The following UFL1 variants were observed in gnomAD, a reference collection of about 807,000 sequenced individuals.
The protein encoded by UFL1 is E3 UFM1-protein ligase 1.
In UFL1, 78 loss-of-function variants were observed where a neutral mutation model predicts 99.3. That is an observed-to-expected ratio of 0.79 (90% CI 0.65 to 0.95). UFL1 has a LOEUF of 0.95. UFL1 is among the 40% of genes least tolerant of loss of function. The probability of loss-of-function intolerance (pLI) is 0.00; values close to 1 mark genes in which losing one functional copy is unlikely to be tolerated. For missense variants in UFL1, 936 were observed against 937.0 expected (o/e 1.00, Z 0.01); for synonymous variants, 335 against 322.2 (o/e 1.04, Z -0.42).
chr6:96,549,427 T>C lies in UFL1; in HGVS notation c.1536T>C (p.Thr512=), dbSNP rs375706635. ...AEYLIKPLNK[T]YLEVVRSVFM... ...TTATGCACAGACCTCTTAATAAAAC[T>C]TATCTCGAGGTGGTACGTTCAGTAT... Residue 512 remains threonine, a synonymous_variant, in exon 14 of 19, where the codon ACT becomes ACC. Transcript: ENST00000369278. 5.0e-6 allele frequency: 8 copies of C among 1,595,906 alleles called. No homozygotes were observed. In the African/African-American group the frequency reaches 9.5e-5, roughly 19 times the overall value.
rs972633849 is a variant in UFL1, at chr6:96,543,026, T to C, written c.1402+10T>C. 6.3e-7 allele frequency: 1 copy of C among 1,583,070 alleles called. No homozygotes were observed. The highest frequency in any genetic ancestry group is 8.6e-7 in the Non-Finnish European group (1 of 1,165,584). On this transcript the variant is annotated intron_variant, in intron 12 of 18. Transcript: ENST00000369278. ...CAATCATCCCACACTGGTAGGTAGCTTTTCTTTACTTTTCCTTGGTGTATG... is the reference window on the plus strand; with the variant it reads ...CAATCATCCCACACTGGTAGGTAGCCTTTCTTTACTTTTCCTTGGTGTATG...
In UFL1 at chr6:96,526,396, G is replaced by A. The variant is rs1349655562; in HGVS notation, c.426G>A (p.Leu142=). 2 of 1,612,904 alleles carry A rather than the reference G, an allele frequency of 1.2e-6. No individual in the cohort carries two copies. The highest frequency in any genetic ancestry group is 2.2e-5 in the East Asian group (1 of 44,736). ...GTGGTCAGGTCACCATATCAGAACT[G>A]TGTAAAACTTATGATCTTCCTGGGA... ...QESGQVTISE[L]CKTYDLPGNF... The change falls in exon 5 of 19, where the codon CTG becomes CTA. Residue 142 remains leucine (L), a synonymous_variant. Coordinates refer to ENST00000369278, the MANE Select transcript of UFL1 (RefSeq NM_015323.5).
In UFL1 at chr6:96,538,706, C is replaced by T. The variant is rs2127951360; in HGVS notation, c.1054C>T (p.Gln352Ter). 1 of 1,611,650 alleles carries T rather than the reference C, an allele frequency of 6.2e-7. No individual in the cohort carries two copies. The highest frequency in any genetic ancestry group is 2.2e-5 in the East Asian group (1 of 44,806). Residue 352 changes from glutamine to a stop codon, truncating the protein, a stop_gained, in exon 10 of 19, where the codon CAG becomes TAG. Transcript: ENST00000369278. LOFTEE classifies it high-confidence loss of function. ...GCAGGTGATGAGGGCATTCAGCAAA[C>T]AGGCCTCAACTGTAGTCTTTAGCGA... ...LQQVMRAFSK[Q>*]ASTVVFSDTV...
At chr6:96,525,458 T>A in intron 4 of UFL1, 64 bp downstream of exon 4, 2 of 1,327,354 alleles carry the variant, frequency 1.5e-6, no homozygotes, top group Non-Finnish European at 2.1e-6. Context: ...TTTTATAGTG[T>A]TTAAATTTAG....
At chr6:96,550,964 C>A (rs1001811854) in intron 15 of UFL1, among the ~76,000 whole-genome samples, 1 of 151,966 alleles carries the variant, frequency 6.6e-6, no homozygotes, top group African/African-American at 2.4e-5. Flanking sequence ...CATAAAACTT[C>A]AGTGGACACT....
intron 7 of UFL1, among the ~76,000 whole-genome samples, chr6:96,535,926 A>G (rs1173477654): frequency 6.6e-6 from 1 of 152,056 alleles, no homozygotes; most frequent in Non-Finnish European, 1.5e-5. Context: ...ATTATGAGAT[A>G]GATAATGGCA....
chr6:96,544,544 G>A (rs975590361), intron 12 of UFL1, among the ~76,000 whole-genome samples: 1 of 150,958 alleles, frequency 6.6e-6, no homozygotes, highest in African/African-American at 2.4e-5. Context: ...CTTGCTATTT[G>A]TAATAGCACA....
chr6:96,540,603 C>T lies in UFL1; in HGVS notation c.1227C>T (p.Ser409=), dbSNP rs571271097. 3 of 1,606,306 alleles carry T rather than the reference C, an allele frequency of 1.9e-6. No homozygotes were observed. Among genetic ancestry groups the T allele is most frequent in the South Asian group, 2.2e-5 (2 of 90,006 alleles). The change falls in exon 11 of 19, where the codon AGC becomes AGT. Residue 409 remains serine (S), a synonymous_variant. Coordinates refer to ENST00000369278, the MANE Select transcript of UFL1 (RefSeq NM_015323.5). ...EDLKQISTLE[S]VSTSKKDKKD... ...TGAAACAAATCTCCACTTTAGAAAGCGTTAGTACAAGTAAAAAGGATAAAA... is the reference window on the plus strand; with the variant it reads ...TGAAACAAATCTCCACTTTAGAAAGTGTTAGTACAAGTAAAAAGGATAAAA...
At chr6:96,538,602 C>T (rs756537320) in intron 9 of UFL1, 29 bp from the exon 10 acceptor site, 14 of 1,601,098 alleles carry the variant, frequency 8.7e-6, no homozygotes, top group Non-Finnish European at 1.1e-5. Flanking sequence ...TGCATTTATA[C>T]TTTATTTTTA....
intron 12 of UFL1, among the ~76,000 whole-genome samples, chr6:96,547,947 GA>G (rs1344039341): frequency 1.3e-5 from 2 of 151,484 alleles, no homozygotes; most frequent in African/African-American, 4.8e-5. Context: ...GCATGCATAC[GA>G]AGCCCCTGAA....
intron 6 of UFL1, among the ~76,000 whole-genome samples, chr6:96,533,665 T>C (rs1769813686): frequency 6.6e-6 from 1 of 151,984 alleles, no homozygotes; most frequent in Non-Finnish European, 1.5e-5. Context: ...ACTCTATAAA[T>C]GTATTAAGAT....
chr6:96,541,899 C>T (rs572114580), intron 11 of UFL1, among the ~76,000 whole-genome samples: 7 of 150,762 alleles, frequency 4.6e-5, no homozygotes, highest in African/African-American at 1.7e-4. Flanking sequence ...TCACTTTAGA[C>T]TTATATTTTT....
At chr6:96,539,506 A>C (rs1582442004) in intron 10 of UFL1, among the ~76,000 whole-genome samples, 1 of 151,748 alleles carries the variant, frequency 6.6e-6, no homozygotes, top group African/African-American at 2.4e-5. Flanking sequence ...TCTAAAAATG[A>C]GATAAACTTC....
At chr6:96,544,785 A>C (rs563328660) in intron 12 of UFL1, among the ~76,000 whole-genome samples, 2 of 151,122 alleles carry the variant, frequency 1.3e-5, no homozygotes, top group Non-Finnish European at 3.0e-5. Context: ...AGGCATTACA[A>C]GAAAACACTT....
chr6:96,525,218 A>C (rs1690811205), intron 3 of UFL1, 79 bp from the exon 4 acceptor site: 1 of 1,149,478 alleles, frequency 8.7e-7, no homozygotes, highest in Non-Finnish European at 1.2e-6. Flanking sequence ...TTCTTTAAAA[A>C]TATAGTTCTA....
chr6:96,551,569 C>A, intron 16 of UFL1, 56 bp downstream of exon 16: 1 of 1,207,500 alleles, frequency 8.3e-7, no homozygotes, highest in South Asian at 1.6e-5. Context: ...TTACAAAGAT[C>A]TTTGAGTAGA....
intron 10 of UFL1, 93 bp downstream of exon 10, chr6:96,538,903 A>T: frequency 9.2e-7 from 1 of 1,091,656 alleles, no homozygotes; most frequent in Non-Finnish European, 1.3e-6. Context: ...AGTGAAAGTG[A>T]ACACTTTGTA....
chr6:96,553,252 T>A, intron 18 of UFL1, 33 bp from the exon 19 acceptor site: 2 of 1,581,014 alleles, frequency 1.3e-6, no homozygotes, highest in Non-Finnish European at 8.7e-7. Context: ...AAAGATAAAT[T>A]GTGTTGATTA....
At position 96,553,420 on chromosome 6, in the gene UFL1, A is replaced by T. The variant is rs771917796; in HGVS notation, c.2302A>T (p.Thr768Ser). The change falls in exon 19 of 19, where the codon ACT becomes TCT. Residue 768 changes from threonine to serine, a missense_variant. Thr to Ser is a moderately conservative substitution (Grantham distance 58). Transcript: ENST00000369278. The stretch of plus-strand genomic sequence containing the variant: ...AGAACAAGAAGATGTTGCCAGTACT[A>T]CTCGTAAAGAGCTTCAAGAACTTTC... ...DKEQEDVASTTRKELQELSSS... is the reference protein window; with the variant it reads ...DKEQEDVASTSRKELQELSSS... 1 of 1,613,738 alleles carries T rather than the reference A, an allele frequency of 6.2e-7. No homozygotes were observed. The highest frequency in any genetic ancestry group is 8.5e-7 in the Non-Finnish European group (1 of 1,179,834).
Sources: gnomAD v4.1 joint callset for allele counts (sites outside exome capture counted in the v4.1 genomes callset) on GRCh38, gnomAD v4.1.1 for gene constraint, MANE v1.5 for transcripts, NCBI Gene and HGNC (gene_info 2026-07-23, HGNC 2026-07-21) for gene names.